CACNA2D2: variants seen among roughly 807,000 people sequenced by gnomAD.
The protein encoded by CACNA2D2 is voltage-dependent calcium channel subunit alpha-2/delta-2.
In CACNA2D2, 48 loss-of-function variants were observed where a neutral mutation model predicts 166.4. The ratio of observed to expected loss-of-function variants is 0.29; its 90% CI spans 0.23 to 0.37. The LOEUF (loss-of-function observed/expected upper bound fraction) is 0.37. Among genes scored for constraint, CACNA2D2 ranks in the 10% least tolerant of loss-of-function variants. The pLI is 1.00. For missense variants in CACNA2D2, 1,122 were observed against 1,433.0 expected, an observed-to-expected ratio of 0.78 and a Z score of 3.50; for synonymous variants, 561 against 573.7, an observed-to-expected ratio of 0.98 and a Z score of 0.32.
Position 50,378,008 on chromosome 3 carries a change from C to T in CACNA2D2, c.1479G>A (p.Leu493=). The T allele has an allele frequency of 6.2e-7, 1 of 1,613,490 alleles. No homozygotes were observed. Among genetic ancestry groups the T allele is most frequent in the Non-Finnish European group, 8.5e-7 (1 of 1,179,800 alleles). Residue 493 remains leucine (L), a splice_region_variant and synonymous_variant, in exon 15 of 38, where the codon CTG becomes CTA. Coordinates refer to ENST00000424201, the MANE Select transcript of CACNA2D2 (RefSeq NM_006030.4). ...CCCCTTCCTTGTCCAGAGGCCTTAC[C>T]AGTGCATCCTCATACACGTTGGTCC... The part of the protein sequence containing the change: ...VQWTNVYEDA[L]GLGLVVTGTL...
At position 50,434,373 on chromosome 3, in the gene CACNA2D2, C is replaced by T. The variant is rs1170683310; in HGVS notation, c.345G>A (p.Leu115=). The part of the protein sequence containing the change: ...FEVQENEPQK[L]VEKVAGDIES... ...CAATGTCCCCTGCCACCTTCTCCAC[C>T]AACTTCTGAGGCTCATTCTCCTGTA... is the stretch of plus-strand genomic sequence containing the variant. The change falls in exon 3 of 38, where the codon TTG becomes TTA. Residue 115 remains leucine, a synonymous_variant. Transcript: ENST00000424201. The T allele has an allele frequency of 4.3e-6, 7 of 1,614,056 alleles. No individual in the cohort carries two copies. Among genetic ancestry groups the T allele is most frequent in the Non-Finnish European group, 8.5e-7 (1 of 1,180,018 alleles).
At chr3:50,475,743 T>C (rs1710281682) in intron 2 of CACNA2D2, among the ~76,000 whole-genome samples, 4 of 152,008 alleles carry the variant, frequency 2.6e-5, no homozygotes. Flanking sequence ...GGCCATCCCG[T>C]TGTTTCCTGG....
intron 2 of CACNA2D2, among the ~76,000 whole-genome samples, chr3:50,456,451 C>T (rs1709364370): frequency 6.6e-6 from 1 of 152,230 alleles, no homozygotes; most frequent in Non-Finnish European, 1.5e-5. Context: ...ACAATTTTCA[C>T]TCACTGGCCT....
At chr3:50,426,614 G>A (rs747570858) in intron 3 of CACNA2D2, among the ~76,000 whole-genome samples, 3 of 152,202 alleles carry the variant, frequency 2.0e-5, no homozygotes, top group Admixed American at 6.5e-5. Flanking sequence ...GGCCTCAGGA[G>A]TGTTGCACAC....
At chr3:50,405,998 C>G (rs577295413) in intron 3 of CACNA2D2, among the ~76,000 whole-genome samples, 8 of 150,932 alleles carry the variant, frequency 5.3e-5, no homozygotes, top group Non-Finnish European at 1.2e-4. Context: ...ATCTCTACCC[C>G]CTATCCATTG....
intron 2 of CACNA2D2, among the ~76,000 whole-genome samples, chr3:50,445,568 C>A (rs1708805214): frequency 6.6e-6 from 1 of 152,188 alleles, no homozygotes. Context: ...CTTAAGTCTT[C>A]TGTAGAACAA....
intron 3 of CACNA2D2, among the ~76,000 whole-genome samples, chr3:50,394,558 C>T (rs1490013783): frequency 6.6e-6 from 1 of 152,246 alleles, no homozygotes; most frequent in African/African-American, 2.4e-5. Flanking sequence ...TTGCCCTGCC[C>T]TTCTGACAGC....
chr3:50,421,944 C>T (rs944748467), intron 3 of CACNA2D2, among the ~76,000 whole-genome samples: 9 of 152,074 alleles, frequency 5.9e-5, no homozygotes, highest in Admixed American at 2.6e-4. Context: ...GGAAGGAATA[C>T]GAGAGGCAGG....
intron 1 of CACNA2D2, among the ~76,000 whole-genome samples, chr3:50,485,771 G>A (rs1295334827): frequency 5.9e-5 from 9 of 152,212 alleles, no homozygotes; most frequent in African/African-American, 4.8e-5. Context: ...CTCAGGGGTC[G>A]CCAAGGTGCC....
chr3:50,441,115 T>G (rs1708572815), intron 2 of CACNA2D2, among the ~76,000 whole-genome samples: 1 of 151,102 alleles, frequency 6.6e-6, no homozygotes, highest in Non-Finnish European at 1.5e-5. Flanking sequence ...ACCCAGGTGG[T>G]GGGGACAGGG....
At chr3:50,400,316 A>G (rs1706384657) in intron 3 of CACNA2D2, among the ~76,000 whole-genome samples, 1 of 152,186 alleles carries the variant, frequency 6.6e-6, no homozygotes, top group African/African-American at 2.4e-5. Context: ...TTGAGCAGAC[A>G]TTTGTCTGTC....
At chr3:50,374,629 A>G in intron 22 of CACNA2D2, 108 bp downstream of exon 22, 4 of 1,256,844 alleles carry the variant, frequency 3.2e-6, no homozygotes, top group Non-Finnish European at 4.5e-6. Flanking sequence ...CAGACTGGGC[A>G]GGAGGGACTG....
At position 50,379,255 on chromosome 3, in the gene CACNA2D2, G is replaced by GGGCC. The variant is rs587670819; in HGVS notation, c.1153-60_1153-57dup. 101 of 1,518,338 alleles carry GGGCC rather than the reference G, an allele frequency of 6.7e-5. No individual in the cohort carries two copies. The South Asian group carries it at 1.0e-3, about 16-fold the overall frequency. The allele number at this position is 1,518,338 out of a possible 1,614,324, so 94.1% of individuals were successfully genotyped here. On this transcript the variant is annotated intron_variant, in intron 11 of 37. Transcript: ENST00000424201. The surrounding 1 kb of genome is among the most constrained non-coding windows in gnomAD (Gnocchi z 6.5). The stretch of plus-strand genomic sequence containing the variant: ...CTCAGCCCTCCCTGGTCCAGGGGCA[G>GGGCC]GGCCTCCCTCCCGCAGTGGGCCTGG...
intron 4 of CACNA2D2, among the ~76,000 whole-genome samples, chr3:50,387,998 G>A (rs1487054490): frequency 6.6e-6 from 1 of 152,178 alleles, no homozygotes; most frequent in Non-Finnish European, 1.5e-5. Flanking sequence ...ATAATGACTC[G>A]ACGCCGCATC....
At chr3:50,502,380 T>C (rs929759820) in intron 1 of CACNA2D2, among the ~76,000 whole-genome samples, 1 of 152,208 alleles carries the variant, frequency 6.6e-6, no homozygotes, top group Non-Finnish European at 1.5e-5. Context: ...AAAGGCCACA[T>C]GCACTGAACA....
rs1237726448 is a variant in CACNA2D2 at position 50,379,244 on chromosome 3, G to A, written c.1153-45C>T. 1 of 1,545,846 alleles carries A rather than the reference G, an allele frequency of 6.5e-7. No individual in the cohort carries two copies. The highest frequency in any genetic ancestry group is 1.4e-5 in the African/African-American group (1 of 73,540). ...GGCAGGCAGCTCTCAGCCCTCCCTG[G>A]TCCAGGGGCAGGGCCTCCCTCCCGC... On this transcript the variant is annotated intron_variant, in intron 11 of 37. Coordinates refer to ENST00000424201, the MANE Select transcript of CACNA2D2 (RefSeq NM_006030.4). This position sits in a 1 kb window ranked among gnomAD's most constrained non-coding sequence, Gnocchi z 6.5.
intron 2 of CACNA2D2, among the ~76,000 whole-genome samples, chr3:50,450,971 T>C (rs1709071417): frequency 1.3e-5 from 2 of 152,146 alleles, no homozygotes; most frequent in South Asian, 4.1e-4. Context: ...GAGGACTCAT[T>C]TGTGGTGTGT....
intron 3 of CACNA2D2, among the ~76,000 whole-genome samples, chr3:50,423,964 G>A (rs945860412): frequency 6.6e-6 from 1 of 152,216 alleles, no homozygotes. Flanking sequence ...CTGTCTGCGG[G>A]GCCTGCCCCA....
Position 50,367,381 on chromosome 3 carries a change from C to T in CACNA2D2, c.2401+13G>A, listed in dbSNP as rs762669835. 8.1e-5 allele frequency: 130 copies of T among 1,609,770 alleles called. No homozygotes were observed. In the Admixed American group the frequency reaches 1.8e-3, roughly 22 times the overall value. On this transcript the variant is annotated intron_variant, in intron 27 of 37. Transcript: ENST00000424201. This position sits in a 1 kb window ranked among gnomAD's most constrained non-coding sequence, Gnocchi z 6.5. ...TCCCTGCCTGCTGCTGGGCACACTGCGGGGACACTCACCATCCTGGTGTGG... is the reference window on the plus strand; with the variant it reads ...TCCCTGCCTGCTGCTGGGCACACTGTGGGGACACTCACCATCCTGGTGTGG...
Sources: gnomAD v4.1 joint callset for allele counts (sites outside exome capture counted in the v4.1 genomes callset) on GRCh38, gnomAD v4.1.1 for gene constraint, Gnocchi (gnomAD v3.1) non-coding constraint, MANE v1.5 for transcripts, NCBI Gene and HGNC (gene_info 2026-07-23, HGNC 2026-07-21) for gene names.